FREM1: variants seen among roughly 807,000 people sequenced by gnomAD.
FREM1 encodes the protein FRAS1 related extracellular matrix 1.
Under a neutral mutation model 210.1 loss-of-function variants are expected in FREM1, and 220 were observed. That is an observed-to-expected ratio of 1.05 (90% CI 0.94 to 1.17). FREM1 has a LOEUF of 1.17. Among genes scored for constraint, FREM1 ranks in the 50% most tolerant of loss-of-function variants. FREM1 has a pLI of 0.00. For synonymous variants in FREM1, 1,189 were observed against 980.2 expected, an observed-to-expected ratio of 1.21 and a Z score of -3.98; for missense variants, 3,454 against 2,675.5, an observed-to-expected ratio of 1.29 and a Z score of -6.42.
chr9:14,800,311 G>C (rs933020777), intron 20 of FREM1, among the ~76,000 whole-genome samples: 1 of 152,136 alleles, frequency 6.6e-6, no homozygotes, highest in African/African-American at 2.4e-5. Context: ...GAGGGGGAAG[G>C]ACCTTACAGG....
At chr9:14,775,664 C>T (rs1848419992) in intron 25 of FREM1, 125 bp downstream of exon 25, 8 of 649,984 alleles carry the variant, frequency 1.2e-5, no homozygotes, top group South Asian at 6.1e-5. Flanking sequence ...GCCAAGATCA[C>T]GCCACTGCAC....
In FREM1 at chr9:14,848,774, C is replaced by T. The variant is rs200180562; in HGVS notation, c.1153-1G>A. 1 of 1,591,662 alleles carries T rather than the reference C, an allele frequency of 6.3e-7. No homozygotes were observed. Among genetic ancestry groups the T allele is most frequent in the African/African-American group, 1.3e-5 (1 of 74,624 alleles). ...AGAAGTCGTATACCTCCAATTCTAC[C>T]TGTAAACAAACAGAGGCAAAGGAGC... is the stretch of plus-strand genomic sequence containing the variant. On this transcript the variant is annotated splice_acceptor_variant, in intron 6 of 36. Transcript: ENST00000380880. LOFTEE classifies it high-confidence loss of function.
chr9:14,747,266 G>T lies in FREM1; in HGVS notation c.6007C>A (p.Gln2003Lys). The T allele has an allele frequency of 6.2e-7, 1 of 1,611,358 alleles. No homozygotes were observed. Among genetic ancestry groups the T allele is most frequent in the Non-Finnish European group, 8.5e-7 (1 of 1,178,672 alleles). Residue 2003 changes from glutamine to lysine, a missense_variant and splice_region_variant, in exon 33 of 37, where the codon CAG becomes AAG. Transcript: ENST00000380880. ...AGAAGGAACAAAGATTTTCATACCT[G>T]TCTGGGGAAGTGTGAGTCAGTTGTG... ...ESTTDSHFPRQDQLPSFPKNC... is the reference protein window; with the variant it reads ...ESTTDSHFPRKDQLPSFPKNC...
intron 27 of FREM1, among the ~76,000 whole-genome samples, chr9:14,766,031 AG>A (rs1373833787): frequency 6.6e-6 from 1 of 152,104 alleles, no homozygotes; most frequent in African/African-American, 2.4e-5. Flanking sequence ...ACTAGAAAAC[AG>A]GCACAAGCTT....
At position 14,748,447 on chromosome 9, in the gene FREM1, G is replaced by T; in HGVS notation, c.5750C>A (p.Thr1917Lys). ...CCTAAGCTTCCTTTGAGAAAGATCT[G>T]TAGAATCAAAGCCCCGCAGGGTGTC... ...RGDTLRGFDS[T>K]DLSQRKLRTR... is the part of the protein sequence containing the mutation. Residue 1917 changes from threonine (T) to lysine (K), a missense_variant, in exon 31 of 37, where the codon ACA becomes AAA. By Grantham distance (78) the Thr-to-Lys change is moderately conservative. Coordinates refer to ENST00000380880, the MANE Select transcript of FREM1 (RefSeq NM_001379081.2). 1 of 1,613,604 alleles carries T rather than the reference G, an allele frequency of 6.2e-7. No homozygotes were observed. The highest frequency in any genetic ancestry group is 1.3e-5 in the African/African-American group (1 of 75,020).
At chr9:14,892,374 C>T (rs1836974575) in intron 1 of FREM1, among the ~76,000 whole-genome samples, 1 of 151,994 alleles carries the variant, frequency 6.6e-6, no homozygotes, top group African/African-American at 2.4e-5. Flanking sequence ...GTTAGAAGCC[C>T]AACTAAGGAG....
At chr9:14,819,824 A>C (rs1820964534) in intron 13 of FREM1, among the ~76,000 whole-genome samples, 1 of 152,214 alleles carries the variant, frequency 6.6e-6, no homozygotes, top group African/African-American at 2.4e-5. Flanking sequence ...TAGTCTAAAA[A>C]ATACACAAAA....
intron 25 of FREM1, among the ~76,000 whole-genome samples, chr9:14,775,476 C>T (rs1848385404): frequency 6.6e-6 from 1 of 151,952 alleles, no homozygotes. Context: ...GAGGCCGAGG[C>T]AGGTGGATCA....
At chr9:14,893,046 T>C (rs1242960362) in intron 1 of FREM1, among the ~76,000 whole-genome samples, 1 of 152,172 alleles carries the variant, frequency 6.6e-6, no homozygotes, top group Non-Finnish European at 1.5e-5. Flanking sequence ...CTGGCCTTCC[T>C]TCGTGTTGCG....
At chr9:14,866,615 C>A (rs1025960861) in intron 2 of FREM1, among the ~76,000 whole-genome samples, 1 of 152,148 alleles carries the variant, frequency 6.6e-6, no homozygotes, top group Non-Finnish European at 1.5e-5. Flanking sequence ...CTTGCTCCTG[C>A]GAGCTACCAG....
At chr9:14,792,315 G>C (rs554911999) in intron 22 of FREM1, among the ~76,000 whole-genome samples, 59 of 142,440 alleles carry the variant, frequency 4.1e-4, no homozygotes, top group Non-Finnish European at 1.0e-4. Context: ...GAGAGAGAGA[G>C]AGATTGAGAG....
At chr9:14,792,274 A>ACG (rs1554665385) in intron 22 of FREM1, among the ~76,000 whole-genome samples, 16 of 78,296 alleles carry the variant, frequency 2.0e-4, no homozygotes, top group African/African-American at 5.3e-4. Flanking sequence ...ACACACACGC[A>ACG]CACACACACA....
At chr9:14,841,086 G>C (rs548698124) in intron 10 of FREM1, among the ~76,000 whole-genome samples, 1 of 152,306 alleles carries the variant, frequency 6.6e-6, no homozygotes, top group Admixed American at 6.5e-5. Flanking sequence ...GTCAGTCAGT[G>C]TCAAGATCAA....
At chr9:14,831,113 T>G (rs1285046107) in intron 10 of FREM1, among the ~76,000 whole-genome samples, 1 of 152,152 alleles carries the variant, frequency 6.6e-6, no homozygotes, top group Admixed American at 6.5e-5. Context: ...GACCTTGCCA[T>G]CACGTGAGGC....
At position 14,784,366 on chromosome 9, in the gene FREM1, T is replaced by G; in HGVS notation, c.4442+4A>C. The G allele has an allele frequency of 6.2e-7, 1 of 1,611,306 alleles. No individual in the cohort carries two copies. The highest frequency in any genetic ancestry group is 8.5e-7 in the Non-Finnish European group (1 of 1,177,912). On this transcript the variant is annotated splice_donor_region_variant and intron_variant, in intron 24 of 36. Coordinates refer to ENST00000380880, the MANE Select transcript of FREM1 (RefSeq NM_001379081.2). The stretch of plus-strand genomic sequence containing the variant: ...GGGGTTTGAAAAGTTTCCATGGGGC[T>G]CACCTGAATCTGTCACTGGAGACAG...
At chr9:14,775,314 C>G (rs961705738) in intron 25 of FREM1, among the ~76,000 whole-genome samples, 14 of 152,270 alleles carry the variant, frequency 9.2e-5, no homozygotes, top group African/African-American at 3.4e-4. Context: ...CAGTCATTAG[C>G]ACCTATGAGG....
chr9:14,805,678 G>C (rs1330591142), intron 18 of FREM1, among the ~76,000 whole-genome samples: 1 of 152,188 alleles, frequency 6.6e-6, no homozygotes, highest in Non-Finnish European at 1.5e-5. Context: ...TTAAAGATGT[G>C]CATTAAGTCA....
Position 14,847,528 on chromosome 9 carries a change from C to T in FREM1, c.1261+1137G>A, listed in dbSNP as rs1226663275. 8.6e-5 allele frequency among the ~76,000 whole-genome samples: 13 copies of T among 151,834 alleles called. No homozygotes were observed. In the South Asian group the frequency reaches 2.5e-3, roughly 29 times the overall value. On this transcript the variant is annotated intron_variant, in intron 7 of 36. Transcript: ENST00000380880. Reference sequence around the variant, plus strand: ...GTGACTGGCAATAAGGGTTTGGAAGCCAGGAGTGCATAGGACAAGGCATCA... The same window carrying T: ...GTGACTGGCAATAAGGGTTTGGAAGTCAGGAGTGCATAGGACAAGGCATCA...
intron 27 of FREM1, among the ~76,000 whole-genome samples, chr9:14,761,224 A>G (rs1483562235): frequency 6.6e-6 from 1 of 152,158 alleles, no homozygotes; most frequent in Non-Finnish European, 1.5e-5. Context: ...ATCATGTGTC[A>G]TAATCACGTT....
Sources: gnomAD v4.1 joint callset for allele counts (sites outside exome capture counted in the v4.1 genomes callset) on GRCh38, gnomAD v4.1.1 for gene constraint, MANE v1.5 for transcripts, NCBI Gene and HGNC (gene_info 2026-07-23, HGNC 2026-07-21) for gene names.